Variants in EMC2 observed in about 807,000 individuals in gnomAD.
EMC2 encodes ER membrane protein complex subunit 2, also known as TPR repeat protein 35.
EMC2 carries 37 observed loss-of-function variants against 51.6 expected under a neutral mutation model. The observed-to-expected ratio is 0.72, with a 90% confidence interval of 0.55 to 0.94. The LOEUF (loss-of-function observed/expected upper bound fraction) is 0.94, where lower values mean the gene tolerates loss of function less well. Ranked by LOEUF, EMC2 falls within the 40% of genes least tolerant of loss-of-function variation. The pLI is 0.00. For missense variants in EMC2, 359 were observed against 350.9 expected (o/e 1.02, Z -0.18); for synonymous variants, 131 against 112.4 (o/e 1.17, Z -1.04).
rs187976392 is a variant in EMC2 at position 108,471,971 on chromosome 8, G to A, written c.509+1850G>A. Among the ~76,000 whole-genome samples the A allele has an allele frequency of 1.1e-3, 169 of 151,942 alleles. 3 individuals carry two copies. The highest frequency in any genetic ancestry group is 1.9e-4 in the Non-Finnish European group (13 of 67,880). On this transcript the variant is annotated intron_variant, in intron 7 of 10. Transcript: ENST00000220853. ...TTTTTAATCTTTACAAGTTTGATAG[G>A]TGAAATTGGTTCTACCTTTTTAGTT...
In EMC2 at chr8:108,443,671, T is replaced by G; in HGVS notation, c.13T>G (p.Ser5Ala). 6.2e-7 allele frequency: 1 copy of G among 1,609,944 alleles called. No homozygotes were observed. The highest frequency in any genetic ancestry group is 8.5e-7 in the Non-Finnish European group (1 of 1,178,042). The change falls in exon 1 of 11, where the codon TCA becomes GCA. Residue 5 changes from serine to alanine, a missense_variant. Physicochemically the swap from Ser to Ala is moderately conservative, Grantham distance 99. Coordinates refer to ENST00000220853, the MANE Select transcript of EMC2 (RefSeq NM_014673.5). ...AGGTTCTGGGAAGATGGCGAAGGTC[T>G]CAGAGCTTTACGATGTCACTTGGGA... is the stretch of plus-strand genomic sequence containing the variant. MAKVSELYDVTWEEM... is the reference protein window; with the variant it reads MAKVAELYDVTWEEM...
At chr8:108,477,006 T>A (rs1395053029) in intron 9 of EMC2, 114 bp downstream of exon 9, 1 of 565,606 alleles carries the variant, frequency 1.8e-6, no homozygotes, top group African/African-American at 1.9e-5. Flanking sequence ...GATAAGCATG[T>A]TTTTTTCTGT....
intron 3 of EMC2, among the ~76,000 whole-genome samples, chr8:108,452,348 C>G (rs185348780): frequency 3.3e-5 from 5 of 152,294 alleles, no homozygotes; most frequent in Admixed American, 2.6e-4. Context: ...AGGCGGATCA[C>G]CTGAGGTCAG....
intron 5 of EMC2, among the ~76,000 whole-genome samples, chr8:108,464,927 G>T (rs956225466): frequency 6.6e-6 from 1 of 152,170 alleles, no homozygotes; most frequent in Non-Finnish European, 1.5e-5. Context: ...AGGGAACCTG[G>T]ATTCTCCTTT....
At chr8:108,456,312 G>A (rs1413799633) in intron 5 of EMC2, among the ~76,000 whole-genome samples, 5 of 126,990 alleles carry the variant, frequency 3.9e-5, no homozygotes, top group Admixed American at 8.9e-5. Flanking sequence ...CAGCCTGGGC[G>A]ACAGAGCAAG....
At chr8:108,470,798 T>C (rs1213954711) in intron 7 of EMC2, 1 of 152,084 alleles carries the variant, frequency 6.6e-6, no homozygotes, top group African/African-American at 2.4e-5. Context: ...ATTTTTTTTC[T>C]TAGTTCTTCT....
intron 1 of EMC2, among the ~76,000 whole-genome samples, chr8:108,448,553 TCTTTCTTTGC>T (rs1048103147): frequency 2.6e-5 from 4 of 152,192 alleles, no homozygotes; most frequent in African/African-American, 9.7e-5. Flanking sequence ...ACACAAGCTC[TCTTTCTTTGC>T]CTGCTGCCAT....
chr8:108,444,922 G>T (rs1818841284), intron 1 of EMC2, among the ~76,000 whole-genome samples: 1 of 152,138 alleles, frequency 6.6e-6, no homozygotes, highest in Admixed American at 6.6e-5. Context: ...TTGTGTCAGG[G>T]TATCTTCCGT....
Position 108,488,708 on chromosome 8 carries a change from C to T in EMC2, c.*2110C>T, listed in dbSNP as rs1811187375. Reference sequence around the variant, plus strand: ...CCTTACCCCAACTCCAGAGGTTGCACCTTCATTGATCTGAAACAGAAGTGG... The same window carrying T: ...CCTTACCCCAACTCCAGAGGTTGCATCTTCATTGATCTGAAACAGAAGTGG... On this transcript the variant is annotated 3_prime_UTR_variant, in exon 11 of 11. Coordinates refer to ENST00000220853, the MANE Select transcript of EMC2 (RefSeq NM_014673.5). Among the ~76,000 whole-genome samples the T allele has an allele frequency of 6.6e-6, 1 of 152,126 alleles. No homozygotes were observed.
At chr8:108,460,816 G>T (rs774737823) in intron 5 of EMC2, among the ~76,000 whole-genome samples, 1 of 152,168 alleles carries the variant, frequency 6.6e-6, no homozygotes, top group Non-Finnish European at 1.5e-5. Flanking sequence ...AGAGCAAAGC[G>T]ACTTAATTCA....
chr8:108,444,436 C>T lies in EMC2; in HGVS notation c.40+738C>T, dbSNP rs191939942. On this transcript the variant is annotated intron_variant, in intron 1 of 10. Coordinates refer to ENST00000220853, the MANE Select transcript of EMC2 (RefSeq NM_014673.5). ...TTCTTTAAATCTGGGAACAGCCAAACCTTGGATCAATTCTGTGTGCTTAAG... is the reference window on the plus strand; with the variant it reads ...TTCTTTAAATCTGGGAACAGCCAAATCTTGGATCAATTCTGTGTGCTTAAG... 1.2e-4 allele frequency among the ~76,000 whole-genome samples: 18 copies of T among 152,178 alleles called. No individual in the cohort carries two copies. The East Asian group carries it at 3.1e-3, about 26-fold the overall frequency.
intron 5 of EMC2, among the ~76,000 whole-genome samples, chr8:108,459,409 G>T (rs978944832): frequency 1.3e-5 from 2 of 152,154 alleles, no homozygotes; most frequent in Admixed American, 6.5e-5. Context: ...AAAGAATAAG[G>T]TGTATTGGAC....
At chr8:108,469,122 G>A (rs1194501405) in intron 5 of EMC2, among the ~76,000 whole-genome samples, 2 of 151,840 alleles carry the variant, frequency 1.3e-5, no homozygotes, top group African/African-American at 2.4e-5. Context: ...TATTTGATAC[G>A]TTTTTGTCAT....
intron 8 of EMC2, 31 bp from the exon 9 acceptor site, chr8:108,476,751 A>C (rs2130403133): frequency 1.1e-6 from 1 of 913,656 alleles, no homozygotes; most frequent in East Asian, 2.4e-5. Flanking sequence ...AGTAAAATAA[A>C]CAGTTTTCAG....
chr8:108,458,732 C>T (rs1819229917), intron 5 of EMC2, among the ~76,000 whole-genome samples: 1 of 152,170 alleles, frequency 6.6e-6, no homozygotes, highest in African/African-American at 2.4e-5. Context: ...ATGGGAGGGG[C>T]TGCCATGAAG....
At chr8:108,456,929 A>G (rs1819180081) in intron 5 of EMC2, among the ~76,000 whole-genome samples, 1 of 152,202 alleles carries the variant, frequency 6.6e-6, no homozygotes, top group South Asian at 2.1e-4. Flanking sequence ...CTTTTATAGA[A>G]GGAGAAATTG....
chr8:108,471,928 A>G (rs1386975804), intron 7 of EMC2, among the ~76,000 whole-genome samples: 1 of 151,960 alleles, frequency 6.6e-6, no homozygotes, highest in Non-Finnish European at 1.5e-5. Context: ...CTTTAACAAC[A>G]CTGGATACTA....
intron 1 of EMC2, among the ~76,000 whole-genome samples, chr8:108,449,175 G>A (rs945527476): frequency 2.6e-5 from 4 of 151,908 alleles, no homozygotes; most frequent in African/African-American, 7.3e-5. Context: ...GTGCAGTGGT[G>A]CAATCACAGG....
chr8:108,459,347 CG>C (rs1335423506), intron 5 of EMC2, among the ~76,000 whole-genome samples: 1 of 152,102 alleles, frequency 6.6e-6, no homozygotes, highest in Non-Finnish European at 1.5e-5. Context: ...CTGTGTTAGT[CG>C]GTTTTCATGC....
Sources: gnomAD v4.1 joint callset for allele counts (sites outside exome capture counted in the v4.1 genomes callset) on GRCh38, gnomAD v4.1.1 for gene constraint, MANE v1.5 for transcripts, NCBI Gene and HGNC (gene_info 2026-07-23, HGNC 2026-07-21) for gene names.